Variants in CAGE1 observed in about 807,000 individuals in gnomAD.
The protein encoded by CAGE1 is cancer antigen 1, also known as cancer-associated gene 1 protein.
CAGE1 carries 66 observed loss-of-function variants against 94.9 expected under a neutral mutation model. That is an observed-to-expected ratio of 0.70 (90% CI 0.57 to 0.85). The LOEUF (loss-of-function observed/expected upper bound fraction) is 0.85. CAGE1 is among the 40% of genes least tolerant of loss of function. The probability of loss-of-function intolerance (pLI) is 0.00; values close to 1 mark genes in which losing one functional copy is unlikely to be tolerated. For synonymous variants in CAGE1, 319 were observed against 321.0 expected, an observed-to-expected ratio of 0.99 and a Z score of 0.07; for missense variants, 865 against 950.4, an observed-to-expected ratio of 0.91 and a Z score of 1.18.
At chr6:7,378,262 A>G (rs1039712356) in intron 4 of CAGE1, among the ~76,000 whole-genome samples, 2 of 152,194 alleles carry the variant, frequency 1.3e-5, no homozygotes, top group Non-Finnish European at 2.9e-5. Context: ...GGTGCATAAG[A>G]GGGTGAGTAA....
chr6:7,352,970 C>T (rs1430202865), intron 11 of CAGE1, among the ~76,000 whole-genome samples: 2 of 152,092 alleles, frequency 1.3e-5, no homozygotes, highest in African/African-American at 4.8e-5. Flanking sequence ...AAAAACTCTT[C>T]TAGATATTGG....
At chr6:7,369,849 C>T (rs1760480839) in intron 6 of CAGE1, 70 bp downstream of exon 6, 11 of 1,385,694 alleles carry the variant, frequency 7.9e-6, no homozygotes, top group African/African-American at 1.5e-5. Flanking sequence ...CCTTTTATTG[C>T]CTCTCTTTTT....
intron 3 of CAGE1, among the ~76,000 whole-genome samples, chr6:7,382,890 A>G (rs1019595754): frequency 6.6e-6 from 1 of 152,072 alleles, no homozygotes; most frequent in African/African-American, 2.4e-5. Flanking sequence ...ATCCTGGGTG[A>G]CAGAGCGAGA....
chr6:7,329,017 C>T lies in CAGE1; in HGVS notation c.2478+832G>A, dbSNP rs140522951. The T allele has an allele frequency of 9.8e-3, 1,877 of 192,206 alleles. 11 individuals carry two copies. Among genetic ancestry groups the T allele is most frequent in the Non-Finnish European group, 0.013 (1,261 of 96,376 alleles). 11.9% of individuals were successfully genotyped at this position (192,206 alleles called of 1,614,324 possible). Reference sequence around the variant, plus strand: ...TAAGATCTTGGCTCACTGCAACTTCCGCCTCTTGGATTCAAGCTATTCTCC... The same window carrying T: ...TAAGATCTTGGCTCACTGCAACTTCTGCCTCTTGGATTCAAGCTATTCTCC... On this transcript the variant is annotated intron_variant, in intron 13 of 13. Transcript: ENST00000502583.
chr6:7,364,630 G>A (rs1203325625), intron 9 of CAGE1, among the ~76,000 whole-genome samples: 8 of 152,034 alleles, frequency 5.3e-5, no homozygotes, highest in African/African-American at 1.2e-4. Flanking sequence ...CACCGCGCCC[G>A]GCTAATTTTT....
At chr6:7,328,443 C>T (rs117627510) in intron 13 of CAGE1, among the ~76,000 whole-genome samples, 1 of 152,260 alleles carries the variant, frequency 6.6e-6, no homozygotes, top group African/African-American at 2.4e-5. Context: ...AGAGCTTGAG[C>T]TGACAGGCGT....
rs1554138207 is a variant in CAGE1 at position 7,358,027 on chromosome 6, G to GATATATATATATGT, written c.2194-1899_2194-1898insACATATATATATAT. Among the ~76,000 whole-genome samples the GATATATATATATGT allele has an allele frequency of 2.1e-3, 103 of 48,084 alleles. 4 individuals carry two copies. In the Middle Eastern group the frequency reaches 0.061, roughly 28 times the overall value. The allele number at this position is 48,084 out of a possible 152,430, so 31.5% of individuals were successfully genotyped here. A position where few individuals can be genotyped will look rare whatever the true frequency, so the allele number is the denominator to read the frequency against. On this transcript the variant is annotated intron_variant, in intron 9 of 13. Coordinates refer to ENST00000502583, the MANE Select transcript of CAGE1 (RefSeq NM_001170692.2). The stretch of plus-strand genomic sequence containing the variant: ...CAGACTGCGGTTAGGTAAGTTTTGA[G>GATATATATATATGT]ATATATATATATATATATATATATA...
Position 7,326,704 on chromosome 6 carries a change from G to T in CAGE1, c.*154C>A. On this transcript the variant is annotated 3_prime_UTR_variant, in exon 14 of 14. Coordinates refer to ENST00000502583, the MANE Select transcript of CAGE1 (RefSeq NM_001170692.2). Reference sequence around the variant, plus strand: ...TTTGATTATTCACAGGAAGAAATTAGAAGAAAAGTAATCACATCTTTGGAA... The same window carrying T: ...TTTGATTATTCACAGGAAGAAATTATAAGAAAAGTAATCACATCTTTGGAA... 1 of 649,374 alleles carries T rather than the reference G, an allele frequency of 1.5e-6. No individual in the cohort carries two copies. 40.2% of individuals were successfully genotyped at this position (649,374 alleles called of 1,614,324 possible).
intron 11 of CAGE1, chr6:7,338,694 A>C: frequency 3.2e-6 from 2 of 616,186 alleles, no homozygotes; most frequent in South Asian, 3.9e-5. Flanking sequence ...GTAATCTTTT[A>C]TCCCTCACCC....
intron 11 of CAGE1, among the ~76,000 whole-genome samples, chr6:7,353,456 A>T (rs1252116559): frequency 6.6e-6 from 1 of 152,148 alleles, no homozygotes; most frequent in East Asian, 1.9e-4. Context: ...GTAAACTAGA[A>T]TGTAAACAGC....
chr6:7,360,444 C>T (rs1358554137), intron 9 of CAGE1, among the ~76,000 whole-genome samples: 1 of 152,174 alleles, frequency 6.6e-6, no homozygotes, highest in African/African-American at 2.4e-5. Context: ...TGCATTAACA[C>T]ACTTTCCTCA....
chr6:7,385,870 G>T lies in CAGE1; in HGVS notation c.198C>A (p.Asn66Lys), dbSNP rs776776117. ...TTTCCCTTTCAAAATTCTTTATTTC[G>T]TTCTGTATTAATAAAAAAGGCATCA... is the stretch of plus-strand genomic sequence containing the variant. ...TTGTTCDLPQ[N>K]EIKNFERENE... Residue 66 changes from asparagine (N) to lysine (K), a missense_variant and splice_region_variant, in exon 3 of 14, where the codon AAC (asparagine) becomes AAA (lysine). Transcript: ENST00000502583. 1 of 1,513,144 alleles carries T rather than the reference G, an allele frequency of 6.6e-7. No individual in the cohort carries two copies. Among genetic ancestry groups the T allele is most frequent in the Non-Finnish European group, 8.9e-7 (1 of 1,124,312 alleles). 93.7% of individuals were successfully genotyped at this position (1,513,144 alleles called of 1,614,324 possible). A position where few individuals can be genotyped will look rare whatever the true frequency, so the allele number is the denominator to read the frequency against.
rs2113453482 is a variant in CAGE1 at position 7,373,778 on chromosome 6, C to T, written c.1041G>A (p.Gln347=). ...VKELQMKITK[Q]QVFIDVINKL... is the part of the protein sequence containing the mutation. Reference sequence around the variant, plus strand: ...TATTGATGACATCAATGAACACTTGCTGTTTGGTAATCTTCATCTGTAGTT... The same window carrying T: ...TATTGATGACATCAATGAACACTTGTTGTTTGGTAATCTTCATCTGTAGTT... Residue 347 remains glutamine, a synonymous_variant, in exon 5 of 14, where the codon CAG becomes CAA. Coordinates refer to ENST00000502583, the MANE Select transcript of CAGE1 (RefSeq NM_001170692.2). The T allele has an allele frequency of 6.2e-7, 1 of 1,613,622 alleles. No homozygotes were observed. Among genetic ancestry groups the T allele is most frequent in the East Asian group, 2.2e-5 (1 of 44,892 alleles).
intron 1 of CAGE1, 88 bp downstream of exon 1, chr6:7,389,114 G>A (rs1668593148): frequency 2.8e-6 from 1 of 362,924 alleles, no homozygotes; most frequent in Admixed American, 3.4e-5. Flanking sequence ...GCTGTTTTAA[G>A]ATAGGAGTTA....
intron 11 of CAGE1, chr6:7,341,879 G>C: frequency 1.5e-6 from 1 of 686,438 alleles, no homozygotes; most frequent in Non-Finnish European, 2.8e-6. Flanking sequence ...TGCAGGAACG[G>C]GTGCCCTCTC....
In CAGE1 at chr6:7,355,135, A is replaced by G. The variant is rs1715077074; in HGVS notation, c.2299-24T>C. 8 of 1,477,950 alleles carry G rather than the reference A, an allele frequency of 5.4e-6. No individual in the cohort carries two copies. In the Admixed American group the frequency reaches 1.6e-4, roughly 29 times the overall value. 91.6% of individuals were successfully genotyped at this position (1,477,950 alleles called of 1,614,324 possible). On this transcript the variant is annotated intron_variant, in intron 10 of 13. Coordinates refer to ENST00000502583, the MANE Select transcript of CAGE1 (RefSeq NM_001170692.2). The stretch of plus-strand genomic sequence containing the variant: ...ACCTTGAAAAAAATAAGCTAAACCA[A>G]TTATTTTTCATTCTAGAATTTTTAT...
intron 12 of CAGE1, among the ~76,000 whole-genome samples, chr6:7,330,343 C>T (rs1000159068): frequency 6.6e-5 from 10 of 152,088 alleles, no homozygotes; most frequent in Admixed American, 2.0e-4. Context: ...GCTAAGATCG[C>T]GCCATTGCAC....
At position 7,389,693 on chromosome 6, in the gene CAGE1, A is replaced by G. The variant is rs773998375; in HGVS notation, c.-515T>C. The G allele has an allele frequency of 1.3e-5, 6 of 473,172 alleles. No individual in the cohort carries two copies. The highest frequency in any genetic ancestry group is 3.8e-5 in the East Asian group (1 of 26,620). 29.3% of individuals were successfully genotyped at this position (473,172 alleles called of 1,614,324 possible). A position where few individuals can be genotyped will look rare whatever the true frequency, so the allele number is the denominator to read the frequency against. On this transcript the variant is annotated 5_prime_UTR_variant, in exon 1 of 14. Transcript: ENST00000502583. The stretch of plus-strand genomic sequence containing the variant: ...GCCGGCTACTCAACACGCCTTCCTG[A>G]GAGCACAGAACATCCACAGCCCTAT...
chr6:7,369,516 A>G lies in CAGE1; in HGVS notation c.1893+403T>C, dbSNP rs573493622. 2.6e-5 allele frequency among the ~76,000 whole-genome samples: 4 copies of G among 152,222 alleles called. No individual in the cohort carries two copies. The South Asian group carries it at 8.3e-4, about 32-fold the overall frequency. ...ATTCTACTAATGTACACAACTCTAC[A>G]CTGCCCTTCCCCGACTCCTAACCAA... On this transcript the variant is annotated intron_variant, in intron 6 of 13. Coordinates refer to ENST00000502583, the MANE Select transcript of CAGE1 (RefSeq NM_001170692.2).
Sources: gnomAD v4.1 joint callset for allele counts (sites outside exome capture counted in the v4.1 genomes callset) on GRCh38, gnomAD v4.1.1 for gene constraint, MANE v1.5 for transcripts, NCBI Gene and HGNC (gene_info 2026-07-23, HGNC 2026-07-21) for gene names.